The following HERC1 variants were observed in gnomAD, a reference collection of about 807,000 sequenced individuals.
The protein encoded by HERC1 is probable E3 ubiquitin-protein ligase HERC1.
Under a neutral mutation model 554.3 loss-of-function variants are expected in HERC1, and 160 were observed. The observed-to-expected ratio is 0.29, with a 90% CI of 0.25 to 0.33. The LOEUF (loss-of-function observed/expected upper bound fraction) is 0.33. Among genes scored for constraint, HERC1 ranks in the 10% least tolerant of loss-of-function variants. The pLI is 1.00. For missense variants in HERC1, 4,919 were observed against 5,918.5 expected (o/e 0.83, Z 5.54); for synonymous variants, 2,175 against 2,131.7 (o/e 1.02, Z -0.56).
chr15:63,712,876 C>T lies in HERC1; in HGVS notation c.4483G>A (p.Glu1495Lys), dbSNP rs201335263. The T allele has an allele frequency of 1.2e-4, 194 of 1,613,346 alleles. 1 individual carries two copies. In the African/African-American group the frequency reaches 2.0e-3, roughly 17 times the overall value. The change falls in exon 24 of 78, where the codon GAG becomes AAG. Residue 1495 changes from glutamate to lysine, a missense_variant. Glu to Lys is a moderately conservative substitution (Grantham distance 56, BLOSUM62 1). Transcript: ENST00000443617. ...GGGCTTGTGTGGACTAGCCGGCTCTCTGCAGTAAGACTTTCACTCCTGTCT... is the reference window on the plus strand; with the variant it reads ...GGGCTTGTGTGGACTAGCCGGCTCTTTGCAGTAAGACTTTCACTCCTGTCT... Reference protein sequence around the residue: ...LMTRSESLTAESRLVHTSPNY... With the variant: ...LMTRSESLTAKSRLVHTSPNY...
At chr15:63,617,803 T>C (rs915295923) in intron 74 of HERC1, among the ~76,000 whole-genome samples, 1 of 152,246 alleles carries the variant, frequency 6.6e-6, no homozygotes, top group African/African-American at 2.4e-5. Context: ...TGCATAAATG[T>C]CTTCTTTTGA....
chr15:63,664,378 G>T, intron 43 of HERC1, 92 bp downstream of exon 43: 1 of 1,133,090 alleles, frequency 8.8e-7, no homozygotes, highest in Non-Finnish European at 1.3e-6. Flanking sequence ...TGAGCACTTA[G>T]TATCATTAGT....
intron 1 of HERC1, among the ~76,000 whole-genome samples, chr15:63,811,303 A>C (rs1173009409): frequency 2.0e-5 from 3 of 152,270 alleles, no homozygotes; most frequent in African/African-American, 7.2e-5. Flanking sequence ...AGGGAGGATC[A>C]TGATGACTAC....
At chr15:63,668,813 T>A (rs1272835254) in intron 40 of HERC1, among the ~76,000 whole-genome samples, 1 of 152,182 alleles carries the variant, frequency 6.6e-6, no homozygotes, top group Non-Finnish European at 1.5e-5. Context: ...AAAAATCCAC[T>A]ATTATCGTCA....
At position 63,698,836 on chromosome 15, in the gene HERC1, C is replaced by T; in HGVS notation, c.4797G>A (p.Val1599=). ...HTLIENVVSF[V]SGDVGNAPGF... is the part of the protein sequence containing the mutation. Reference sequence around the variant, plus strand: ...CTGGGGCATTCCCCACATCTCCACTCACAAAGCTTACAACATTTTCAATCA... The same window carrying T: ...CTGGGGCATTCCCCACATCTCCACTTACAAAGCTTACAACATTTTCAATCA... Residue 1599 remains valine (V), a synonymous_variant, in exon 26 of 78, where the codon GTG becomes GTA. Transcript: ENST00000443617. 6.2e-7 allele frequency: 1 copy of T among 1,613,936 alleles called. No homozygotes were observed. Among genetic ancestry groups the T allele is most frequent in the African/African-American group, 1.3e-5 (1 of 75,018 alleles).
chr15:63,620,205 G>A (rs1225459796), intron 74 of HERC1, among the ~76,000 whole-genome samples: 7 of 151,988 alleles, frequency 4.6e-5, no homozygotes, highest in Non-Finnish European at 1.0e-4. Context: ...CTTTGTTCTC[G>A]TTGGTTTCAA....
intron 1 of HERC1, among the ~76,000 whole-genome samples, chr15:63,791,110 G>A (rs1294614438): frequency 1.3e-5 from 2 of 152,078 alleles, no homozygotes; most frequent in African/African-American, 4.8e-5. Flanking sequence ...CCTTTCCTCG[G>A]ACATACAGAA....
At chr15:63,740,076 A>C (rs1279560670) in intron 12 of HERC1, among the ~76,000 whole-genome samples, 1 of 151,776 alleles carries the variant, frequency 6.6e-6, no homozygotes, top group Non-Finnish European at 1.5e-5. Flanking sequence ...AGACTCAACT[A>C]ATTTTTGTAT....
intron 74 of HERC1, among the ~76,000 whole-genome samples, chr15:63,622,326 CTT>C (rs35490295): frequency 4.3e-5 from 5 of 117,576 alleles, no homozygotes; most frequent in Admixed American, 9.9e-5. Context: ...TGCCTGTTTC[CTT>C]TTTTTTTTTT....
At position 63,677,878 on chromosome 15, in the gene HERC1, T is replaced by C. The variant is rs1374858524; in HGVS notation, c.7037A>G (p.Lys2346Arg). The change falls in exon 37 of 78, where the codon AAG becomes AGG. Residue 2346 changes from lysine (K) to arginine (R), a missense_variant. Physicochemically the swap from Lys to Arg is conservative, Grantham distance 26. Around this residue, in one of 11 missense-constraint regions of HERC1, gnomAD observed 1,963 missense variants for 2,228.6 expected, o/e 0.88. Coordinates refer to ENST00000443617, the MANE Select transcript of HERC1 (RefSeq NM_003922.4). This position sits in a 1 kb window ranked among gnomAD's most constrained non-coding sequence, Gnocchi z 4.4. ...GVVKEGSTSA[K>R]VQWDEAEITI... ...AATTTCTGCTTCATCCCATTGGACCTTGGCAGACGTGCTGCCCTCTTTGAC... is the reference window on the plus strand; with the variant it reads ...AATTTCTGCTTCATCCCATTGGACCCTGGCAGACGTGCTGCCCTCTTTGAC... The C allele has an allele frequency of 3.1e-6, 5 of 1,613,856 alleles. No homozygotes were observed. Among genetic ancestry groups the C allele is most frequent in the East Asian group, 2.2e-5 (1 of 44,900 alleles).
chr15:63,643,534 G>A lies in HERC1; in HGVS notation c.11201C>T (p.Ser3734Leu). Residue 3734 changes from serine to leucine, a missense_variant, in exon 58 of 78, where the codon TCA becomes TTA. By Grantham distance (145) the Ser-to-Leu change is moderately radical. This residue lies in a region of HERC1 where 1,963 missense variants were observed against 2,228.6 expected (regional missense o/e 0.88). Transcript: ENST00000443617. ...CTGATAAACACACTTGGCTCCTGAT[G>A]ATTTCCTATATCCATCCTGAAATTC... ...ESNCQDGYRK[S>L]SGAKCVYQLR... The A allele has an allele frequency of 1.9e-6, 3 of 1,599,208 alleles. No homozygotes were observed. The highest frequency in any genetic ancestry group is 2.6e-6 in the Non-Finnish European group (3 of 1,171,906).
At chr15:63,625,857 G>C in intron 71 of HERC1, 128 bp downstream of exon 71, 1 of 926,894 alleles carries the variant, frequency 1.1e-6, no homozygotes, top group Middle Eastern at 2.1e-4. Flanking sequence ...GAATAGAAGT[G>C]TTATCTTATT....
rs573098979 is a variant in HERC1 at position 63,775,077 on chromosome 15, C to T, written c.547G>A (p.Gly183Arg). The stretch of plus-strand genomic sequence containing the variant: ...TCGTTGCAAAGACTGAGACCAGGTC[C>T]TGACACAGGCATCATCCAACTTTGT... ...LRQSWMMPVS[G>R]PGLSLCNDVI... Residue 183 changes from glycine (G) to arginine (R), a missense_variant, in exon 2 of 78, where the codon GGA becomes AGA. By Grantham distance (125) the Gly-to-Arg change is moderately radical. Transcript: ENST00000443617. The surrounding 1 kb of genome is among the most constrained non-coding windows in gnomAD (Gnocchi z 4.0). The T allele has an allele frequency of 1.9e-6, 3 of 1,614,006 alleles. No homozygotes were observed. Among genetic ancestry groups the T allele is most frequent in the Admixed American group, 3.3e-5 (2 of 60,024 alleles).
chr15:63,718,615 G>T lies in HERC1; in HGVS notation c.3937C>A (p.Leu1313Ile). 3 of 1,588,442 alleles carry T rather than the reference G, an allele frequency of 1.9e-6. No individual in the cohort carries two copies. The highest frequency in any genetic ancestry group is 1.7e-6 in the Non-Finnish European group (2 of 1,165,310). The stretch of plus-strand genomic sequence containing the variant: ...GATGACCTTGTTTGAATAAGTTCAA[G>T]GTTCTTGCAAGCAAGTAAACGACTT... ...VRSRLLACKN[L>I]ELIQTRSSSR... The change falls in exon 21 of 78, where the codon CTT becomes ATT. Residue 1313 changes from leucine to isoleucine, a missense_variant. Leu to Ile is a conservative substitution (Grantham distance 5). Coordinates refer to ENST00000443617, the MANE Select transcript of HERC1 (RefSeq NM_003922.4). The surrounding 1 kb of genome is among the most constrained non-coding windows in gnomAD (Gnocchi z 4.2).
At position 63,633,696 on chromosome 15, in the gene HERC1, T is replaced by A. The variant is rs183464419; in HGVS notation, c.12693+152A>T. ...TTATTTAAAATCAAGACCTAGCATG[T>A]GGGCATTCAAGAATGCACAACAGAA... is the stretch of plus-strand genomic sequence containing the variant. On this transcript the variant is annotated intron_variant, in intron 67 of 77. Coordinates refer to ENST00000443617, the MANE Select transcript of HERC1 (RefSeq NM_003922.4). Among the ~76,000 whole-genome samples the A allele has an allele frequency of 1.2e-3, 187 of 152,352 alleles. 1 individual carries two copies. Among genetic ancestry groups the A allele is most frequent in the Admixed American group, 2.8e-3 (43 of 15,304 alleles).
At position 63,674,239 on chromosome 15, in the gene HERC1, T is replaced by A; in HGVS notation, c.7846+103A>T. ...AAATTGCTTTGACCAAAAAAAAAAT[T>A]TTTTTTTTTTTACAAATCACTTACA... On this transcript the variant is annotated intron_variant, in intron 38 of 77. Transcript: ENST00000443617. The A allele has an allele frequency of 1.1e-5, 11 of 994,278 alleles. No individual in the cohort carries two copies. The South Asian group carries it at 1.2e-4, about 11-fold the overall frequency. 61.6% of individuals were successfully genotyped at this position (994,278 alleles called of 1,614,324 possible).
intron 56 of HERC1, 138 bp downstream of exon 56, chr15:63,645,345 A>C (rs2069279575): frequency 1.4e-6 from 1 of 697,282 alleles, no homozygotes. Context: ...TCTCTGAGGT[A>C]ATCTTATAAT....
At chr15:63,668,682 T>A (rs1328971287) in intron 40 of HERC1, among the ~76,000 whole-genome samples, 1 of 152,032 alleles carries the variant, frequency 6.6e-6, no homozygotes, top group African/African-American at 2.4e-5. Context: ...TCACCAAGGA[T>A]AAAGGCATTT....
intron 3 of HERC1, among the ~76,000 whole-genome samples, chr15:63,759,686 T>G (rs1043961058): frequency 6.6e-5 from 10 of 152,242 alleles, no homozygotes; most frequent in Non-Finnish European, 1.5e-5. Flanking sequence ...AATAAAGATA[T>G]TAACTGACTA....
Sources: allele counts gnomAD v4.1 joint callset (sites outside exome capture counted in the v4.1 genomes callset), GRCh38; gene constraint gnomAD v4.1.1; regional missense constraint gnomAD v4.1.1; non-coding constraint Gnocchi (gnomAD v3.1); transcripts MANE v1.5; gene names NCBI Gene and HGNC (gene_info 2026-07-23, HGNC 2026-07-21).